HIVEP1: variants seen among roughly 807,000 people sequenced by gnomAD.
HIVEP1 encodes the protein zinc finger protein 40.
Under a neutral mutation model 180.0 loss-of-function variants are expected in HIVEP1, and 36 were observed. That is an observed-to-expected ratio of 0.20 (90% CI 0.15 to 0.26). The LOEUF is 0.26. Ranked by LOEUF, HIVEP1 falls within the 10% of genes least tolerant of loss-of-function variation. The probability of loss-of-function intolerance (pLI) is 1.00; values close to 1 mark genes in which losing one functional copy is unlikely to be tolerated. For synonymous variants in HIVEP1, 1,239 were observed against 1,239.0 expected (o/e 1.00, Z 0.00); for missense variants, 3,143 against 3,268.7 (o/e 0.96, Z 0.94).
chr6:12,072,526 G>A (rs1772042786), intron 2 of HIVEP1, among the ~76,000 whole-genome samples: 1 of 152,100 alleles, frequency 6.6e-6, no homozygotes, highest in African/African-American at 2.4e-5. Flanking sequence ...TCTGCAGGCT[G>A]ATATTTTCAG....
intron 7 of HIVEP1, among the ~76,000 whole-genome samples, chr6:12,146,822 A>AT (rs1055930194): frequency 6.6e-5 from 10 of 151,972 alleles, no homozygotes; most frequent in Admixed American, 1.3e-4. Context: ...TGTGTGCACA[A>AT]TTACTATCGC....
rs2113630183 is a variant in HIVEP1 at position 12,145,514 on chromosome 6, A to AT, written c.6487+9623dup. On this transcript the variant is annotated intron_variant, in intron 7 of 8. Transcript: ENST00000379388. ...GCATATGTACCCTAGAACTTAAAGT[A>AT]TAAAAAAAAAAAAAAAAAAGAACGC... Among the ~76,000 whole-genome samples the AT allele has an allele frequency of 1.5e-5, 2 of 136,154 alleles. 1 individual carries two copies. The highest frequency in any genetic ancestry group is 3.2e-5 in the Non-Finnish European group (2 of 61,968). 89.3% of individuals were successfully genotyped at this position (136,154 alleles called of 152,430 possible).
intron 2 of HIVEP1, among the ~76,000 whole-genome samples, chr6:12,024,003 G>A (rs1768420077): frequency 6.6e-6 from 1 of 152,248 alleles, no homozygotes; most frequent in East Asian, 1.9e-4. Flanking sequence ...AATAAATTAA[G>A]TGCTTTACTT....
At chr6:12,040,256 C>T (rs1220596265) in intron 2 of HIVEP1, among the ~76,000 whole-genome samples, 1 of 152,122 alleles carries the variant, frequency 6.6e-6, no homozygotes, top group Non-Finnish European at 1.5e-5. Flanking sequence ...TTTGCTTTTC[C>T]ACCAGGTGGT....
intron 7 of HIVEP1, among the ~76,000 whole-genome samples, chr6:12,160,762 A>G (rs1332362285): frequency 1.3e-5 from 2 of 152,312 alleles, no homozygotes; most frequent in African/African-American, 4.8e-5. Flanking sequence ...AATGTGGGAT[A>G]TAGTGTCCAG....
At chr6:12,153,472 G>T (rs1469229660) in intron 7 of HIVEP1, among the ~76,000 whole-genome samples, 1 of 149,756 alleles carries the variant, frequency 6.7e-6, no homozygotes, top group Non-Finnish European at 1.5e-5. Context: ...AAATAGTATT[G>T]GTTTGTACAG....
chr6:12,082,979 CT>C (rs1291229507), intron 2 of HIVEP1, among the ~76,000 whole-genome samples: 1 of 152,030 alleles, frequency 6.6e-6, no homozygotes, highest in African/African-American at 2.4e-5. Context: ...ACATTGTTAG[CT>C]TTTATTGGAT....
intron 2 of HIVEP1, among the ~76,000 whole-genome samples, chr6:12,088,504 C>G (rs546281867): frequency 8.5e-5 from 13 of 152,062 alleles, no homozygotes; most frequent in Non-Finnish European, 1.5e-4. Flanking sequence ...CCAGTTGTGC[C>G]CAGAGCCCCA....
At chr6:12,102,898 GT>G (rs967819053) in intron 3 of HIVEP1, among the ~76,000 whole-genome samples, 27 of 151,546 alleles carry the variant, frequency 1.8e-4, no homozygotes, top group Middle Eastern at 3.4e-3. Flanking sequence ...AAATGATTTT[GT>G]TTTTTTATGT....
chr6:12,115,643 T>G (rs1483877831), intron 3 of HIVEP1, among the ~76,000 whole-genome samples: 1 of 152,164 alleles, frequency 6.6e-6, no homozygotes, highest in Non-Finnish European at 1.5e-5. Context: ...AGTGGCTGCC[T>G]GACTCCTATT....
At position 12,145,696 on chromosome 6, in the gene HIVEP1, C is replaced by T. The variant is rs186377637; in HGVS notation, c.6487+9804C>T. Among the ~76,000 whole-genome samples the T allele has an allele frequency of 1.2e-3, 183 of 152,104 alleles. 1 individual carries two copies. Among genetic ancestry groups the T allele is most frequent in the Non-Finnish European group, 2.0e-3 (134 of 68,006 alleles). ...CCTCTTACTGCTAGCATCACTTACGCCCTTTATTCTGTTTTCTTTTTCCTC... is the reference window on the plus strand; with the variant it reads ...CCTCTTACTGCTAGCATCACTTACGTCCTTTATTCTGTTTTCTTTTTCCTC... On this transcript the variant is annotated intron_variant, in intron 7 of 8. Transcript: ENST00000379388.
At chr6:12,044,654 C>T (rs1242812182) in intron 2 of HIVEP1, among the ~76,000 whole-genome samples, 2 of 151,854 alleles carry the variant, frequency 1.3e-5, no homozygotes, top group African/African-American at 2.4e-5. Context: ...TGAGGGCTTG[C>T]TGTCCTCCAC....
chr6:12,050,672 T>G (rs138926070), intron 2 of HIVEP1, among the ~76,000 whole-genome samples: 237 of 152,186 alleles, frequency 1.6e-3, no homozygotes, highest in African/African-American at 5.5e-3. Context: ...CATCTTTCTT[T>G]GCTTTCAAGA....
At chr6:12,028,188 GT>G (rs1768709687) in intron 2 of HIVEP1, among the ~76,000 whole-genome samples, 1 of 152,196 alleles carries the variant, frequency 6.6e-6, no homozygotes, top group Admixed American at 6.5e-5. Context: ...GCCCATAGTG[GT>G]CATGAAGTAT....
chr6:12,150,728 CTAAAGT>C (rs1164103363), intron 7 of HIVEP1, among the ~76,000 whole-genome samples: 5 of 151,984 alleles, frequency 3.3e-5, no homozygotes, highest in East Asian at 1.9e-4. Context: ...GGTTTACTTC[CTAAAGT>C]TAAACATTAA....
chr6:12,102,807 T>A (rs944650065), intron 3 of HIVEP1, among the ~76,000 whole-genome samples: 1 of 152,314 alleles, frequency 6.6e-6, no homozygotes, highest in East Asian at 1.9e-4. Flanking sequence ...TCAGAGCATG[T>A]TAAGAGCTGA....
the HIVEP1 span, among the ~76,000 whole-genome samples, chr6:12,175,746 C>T: frequency 6.6e-6 from 1 of 152,148 alleles, no homozygotes; most frequent in African/African-American, 2.4e-5. Flanking sequence ...TCTAAAAGTT[C>T]GAAAATGTGG....
intron 2 of HIVEP1, among the ~76,000 whole-genome samples, chr6:12,053,155 G>T (rs1770642774): frequency 6.6e-6 from 1 of 151,962 alleles, no homozygotes. Context: ...CATAGTATAT[G>T]GTGTTCATTA....
chr6:12,128,039 A>G (rs908805875), intron 4 of HIVEP1, among the ~76,000 whole-genome samples: 2 of 152,238 alleles, frequency 1.3e-5, no homozygotes, highest in Non-Finnish European at 2.9e-5. Flanking sequence ...TCAACATACA[A>G]TACATAGAGT....
Sources: allele counts gnomAD v4.1 joint callset (sites outside exome capture counted in the v4.1 genomes callset), GRCh38; gene constraint gnomAD v4.1.1; transcripts MANE v1.5; gene names NCBI Gene and HGNC (gene_info 2026-07-23, HGNC 2026-07-21).